PDE2A: variants seen among roughly 807,000 people sequenced by gnomAD.
PDE2A encodes phosphodiesterase 2A.
PDE2A carries 53 observed loss-of-function variants against 133.6 expected under a neutral mutation model. The observed-to-expected ratio is 0.40, with a 90% confidence interval of 0.32 to 0.50. PDE2A has a LOEUF of 0.50. PDE2A is among the 20% of genes least tolerant of loss of function. The pLI, the probability that PDE2A is intolerant of heterozygous loss-of-function variation, is 0.73. For missense variants in PDE2A, 796 were observed against 1,232.4 expected (o/e 0.65, Z 5.30); for synonymous variants, 491 against 490.2 (o/e 1.00, Z -0.02).
chr11:72,642,216 C>G, intron 2 of PDE2A, 38 bp downstream of exon 2: 1 of 1,425,298 alleles, frequency 7.0e-7, no homozygotes. Flanking sequence ...TCGCCGGACA[C>G]CCCGTTCTCC....
chr11:72,610,895 C>A (rs1486997453), intron 2 of PDE2A, among the ~76,000 whole-genome samples: 2 of 152,198 alleles, frequency 1.3e-5, no homozygotes, highest in Non-Finnish European at 2.9e-5. Flanking sequence ...TCGAGTGATA[C>A]CTGTGCACAA....
rs1407274062 is a variant in PDE2A at position 72,583,522 on chromosome 11, G to C, written c.1651-7C>G. On this transcript the variant is annotated splice_polypyrimidine_tract_variant and splice_region_variant and intron_variant, in intron 19 of 30. Transcript: ENST00000334456. ...CTTTTTTGTATAGGAGAGACTAGGG[G>C]AAAGAGGGAAAGATGGGGCTCAAGG... is the stretch of plus-strand genomic sequence containing the variant. 6.3e-7 allele frequency: 1 copy of C among 1,586,512 alleles called. No individual in the cohort carries two copies. Among genetic ancestry groups the C allele is most frequent in the Admixed American group, 1.7e-5 (1 of 59,978 alleles).
rs1856172403 is a variant in PDE2A, at chr11:72,590,183, G to GGGACTCAC, written c.756+1_756+8dup. 5 of 1,547,364 alleles carry GGGACTCAC rather than the reference G, an allele frequency of 3.2e-6. No homozygotes were observed. Among genetic ancestry groups the GGGACTCAC allele is most frequent in the Non-Finnish European group, 3.5e-6 (4 of 1,143,580 alleles). On this transcript the variant is annotated intron_variant, in intron 9 of 30. Coordinates refer to ENST00000334456, the MANE Select transcript of PDE2A (RefSeq NM_002599.5). This position sits in a 1 kb window ranked among gnomAD's most constrained non-coding sequence, Gnocchi z 4.8. ...CGGGGAGGTGGCCGGCAGGGGCGCA[G>GGGACTCAC]GGACTCACGTATTGGAGCACTTTGA...
chr11:72,671,783 G>A (rs1299170945), intron 1 of PDE2A, among the ~76,000 whole-genome samples: 3 of 152,154 alleles, frequency 2.0e-5, no homozygotes, highest in African/African-American at 7.2e-5. Context: ...TAGTGATGAA[G>A]CCATAGTCTC....
chr11:72,669,703 C>A (rs1419975687), intron 1 of PDE2A, among the ~76,000 whole-genome samples: 4 of 152,082 alleles, frequency 2.6e-5, no homozygotes, highest in Admixed American at 2.6e-4. Context: ...GGGGTGATGG[C>A]TCATTTCTTC....
At chr11:72,639,968 C>A (rs1034729669) in intron 2 of PDE2A, among the ~76,000 whole-genome samples, 1 of 152,104 alleles carries the variant, frequency 6.6e-6, no homozygotes, top group Non-Finnish European at 1.5e-5. Flanking sequence ...TCCTCACACA[C>A]ACCTCATGCA....
At chr11:72,663,941 G>A (rs1259689153) in intron 1 of PDE2A, among the ~76,000 whole-genome samples, 2 of 152,242 alleles carry the variant, frequency 1.3e-5, no homozygotes, top group East Asian at 3.9e-4. Flanking sequence ...GTGCCCCAGA[G>A]GCCGACTTCT....
intron 2 of PDE2A, among the ~76,000 whole-genome samples, chr11:72,625,959 G>A (rs1858041271): frequency 6.6e-6 from 1 of 152,190 alleles, no homozygotes; most frequent in African/African-American, 2.4e-5. Flanking sequence ...GTGGGGGGTG[G>A]GGCCGGCTGG....
intron 16 of PDE2A, 32 bp from the exon 17 acceptor site, chr11:72,584,976 C>T: frequency 6.2e-7 from 1 of 1,603,970 alleles, no homozygotes; most frequent in Non-Finnish European, 8.5e-7. Context: ...CCTCTGGGGC[C>T]TGACAACCCC....
intron 4 of PDE2A, chr11:72,598,455 A>C (rs1198862993): frequency 4.8e-6 from 6 of 1,244,150 alleles, no homozygotes; most frequent in Non-Finnish European, 6.3e-6. Context: ...GTCCCACCAC[A>C]CAACCCACCT....
At chr11:72,663,378 CAG>C (rs1232652521) in intron 1 of PDE2A, among the ~76,000 whole-genome samples, 2 of 152,282 alleles carry the variant, frequency 1.3e-5, no homozygotes, top group Admixed American at 6.5e-5. Context: ...AGCTCTCAGC[CAG>C]AGAGTAGATA....
At chr11:72,585,630 G>C (rs767990869) in intron 14 of PDE2A, 37 bp from the exon 15 acceptor site, 13 of 1,601,960 alleles carry the variant, frequency 8.1e-6, no homozygotes, top group Non-Finnish European at 7.7e-6. Flanking sequence ...GGGGGGTCGG[G>C]GTGTAGGGGT....
At chr11:72,623,724 A>T (rs1857901407) in intron 2 of PDE2A, among the ~76,000 whole-genome samples, 1 of 152,134 alleles carries the variant, frequency 6.6e-6, no homozygotes, top group African/African-American at 2.4e-5. Flanking sequence ...GAACCCTGGA[A>T]ATTGTTCTCT....
At chr11:72,624,908 T>A (rs1175621521) in intron 2 of PDE2A, among the ~76,000 whole-genome samples, 4 of 152,196 alleles carry the variant, frequency 2.6e-5, no homozygotes, top group Non-Finnish European at 5.9e-5. Context: ...CCGTGTCACA[T>A]GTGCAGAACG....
At position 72,663,287 on chromosome 11, in the gene PDE2A, G is replaced by A. The variant is rs192933008; in HGVS notation, c.71+10850C>T. On this transcript the variant is annotated intron_variant, in intron 1 of 30. Transcript: ENST00000334456. ...AACAGGTGGCTTGGGGGGCTCCAGG[G>A]CACACTGCGTTCTGAGAATGACATT... Among the ~76,000 whole-genome samples the A allele has an allele frequency of 1.9e-3, 292 of 152,282 alleles. 2 individuals are homozygous for A. Among genetic ancestry groups the A allele is most frequent in the South Asian group, 7.7e-3 (37 of 4,822 alleles).
At chr11:72,600,462 A>G (rs1856690203) in intron 4 of PDE2A, among the ~76,000 whole-genome samples, 1 of 151,990 alleles carries the variant, frequency 6.6e-6, no homozygotes, top group African/African-American at 2.4e-5. Context: ...GGGACCCCAT[A>G]GCCCACACTC....
At chr11:72,582,884 G>A (rs1855786376) in intron 20 of PDE2A, among the ~76,000 whole-genome samples, 1 of 152,188 alleles carries the variant, frequency 6.6e-6, no homozygotes, top group Non-Finnish European at 1.5e-5. Context: ...CTCCTTTTGT[G>A]GAGACCTTTC....
chr11:72,595,814 C>T (rs145373529), intron 6 of PDE2A, among the ~76,000 whole-genome samples: 468 of 152,208 alleles, frequency 3.1e-3, no homozygotes, highest in Non-Finnish European at 5.1e-3. Flanking sequence ...GGAGAAGAAA[C>T]GGAAAGAGCG....
chr11:72,644,882 G>A (rs1002677989), intron 1 of PDE2A, among the ~76,000 whole-genome samples: 9 of 151,922 alleles, frequency 5.9e-5, no homozygotes, highest in African/African-American at 1.2e-4. Context: ...TCAGCCTCCC[G>A]AGTAGATGGG....
Sources: allele counts gnomAD v4.1 joint callset (sites outside exome capture counted in the v4.1 genomes callset), GRCh38; gene constraint gnomAD v4.1.1; non-coding constraint Gnocchi (gnomAD v3.1); transcripts MANE v1.5; gene names NCBI Gene and HGNC (gene_info 2026-07-23, HGNC 2026-07-21).